The following COMT variants were observed in gnomAD, a reference collection of about 807,000 sequenced individuals.
COMT encodes the protein catechol-O-methyltransferase, also known as catechol O-methyltransferase.
Under a neutral mutation model 18.9 loss-of-function variants are expected in COMT, and 13 were observed. The observed-to-expected ratio is 0.69, with a 90% CI of 0.45 to 1.09. The LOEUF (loss-of-function observed/expected upper bound fraction) is 1.09, where lower values mean the gene tolerates loss of function less well. Ranked by LOEUF, COMT falls within the 50% of genes least tolerant of loss-of-function variation. The pLI, the probability that COMT is intolerant of heterozygous loss-of-function variation, is 0.00. For missense variants in COMT, 329 were observed against 361.8 expected, an observed-to-expected ratio of 0.91 and a Z score of 0.73; for synonymous variants, 150 against 160.9, an observed-to-expected ratio of 0.93 and a Z score of 0.51.
chr22:19,963,348 A>C lies in COMT; in HGVS notation c.290-218A>C, dbSNP rs1415448639. The stretch of plus-strand genomic sequence containing the variant: ...GAGGCTAAGGGACCATGGGAGCTCC[A>C]AGCGCGCTCACAGTGGGGACCAGGT... On this transcript the variant is annotated intron_variant, in intron 3 of 5. Coordinates refer to ENST00000361682, the MANE Select transcript of COMT (RefSeq NM_000754.4). 3.3e-5 allele frequency: 20 copies of C among 610,308 alleles called. No homozygotes were observed. The Admixed American group carries it at 3.4e-4, about 10-fold the overall frequency. 37.8% of individuals were successfully genotyped at this position (610,308 alleles called of 1,614,324 possible). A position where few individuals can be genotyped will look rare whatever the true frequency, so the allele number is the denominator to read the frequency against.
At chr22:19,956,370 C>CTTTTTTTTTT (rs361698) in intron 1 of COMT, among the ~76,000 whole-genome samples, 1 of 47,348 alleles carries the variant, frequency 2.1e-5, no homozygotes, top group African/African-American at 9.4e-5. Context: ...CTTGAGCTCT[C>CTTTTTTTTTT]TTTTTTTTTT....
intron 1 of COMT, among the ~76,000 whole-genome samples, chr22:19,949,859 A>G (rs1158012687): frequency 6.6e-6 from 1 of 152,214 alleles, no homozygotes; most frequent in Non-Finnish European, 1.5e-5. Flanking sequence ...ATACCATCTT[A>G]TAATCTCTAG....
At chr22:19,951,516 G>C (rs144623972) in intron 1 of COMT, 20 of 152,324 alleles carry the variant, frequency 1.3e-4, no homozygotes, top group African/African-American at 4.6e-4. Context: ...GCATGAGCAG[G>C]CAGAGTGGAG....
chr22:19,969,917 T>A lies in COMT; in HGVS notation c.*1181T>A. On this transcript the variant is annotated 3_prime_UTR_variant, in exon 6 of 6. Transcript: ENST00000361682. ...AAAGTTCCTTTGCTGCTTTAATTTT[T>A]AAATTTTCTTACAAAAATTTAGGTG... 6.1e-6 allele frequency: 6 copies of A among 985,540 alleles called. No homozygotes were observed. The highest frequency in any genetic ancestry group is 7.2e-6 in the Non-Finnish European group (6 of 829,932). The allele number at this position is 985,540 out of a possible 1,614,324, so 61.0% of individuals were successfully genotyped here.
At chr22:19,952,900 G>A (rs1353718682) in intron 1 of COMT, among the ~76,000 whole-genome samples, 10 of 151,914 alleles carry the variant, frequency 6.6e-5, no homozygotes, top group Non-Finnish European at 1.5e-4. Context: ...GCAGTGAGCC[G>A]AGATCGCGCC....
At chr22:19,958,722 CAAAAA>C (rs361549) in intron 1 of COMT, among the ~76,000 whole-genome samples, 1 of 87,238 alleles carries the variant, frequency 1.1e-5, no homozygotes. Context: ...CCATCTCTAC[CAAAAA>C]AAAAAAAAAA....
intron 2 of COMT, 140 bp from the exon 3 acceptor site, chr22:19,962,387 A>G (rs1186800899): frequency 9.7e-6 from 14 of 1,443,912 alleles, no homozygotes; most frequent in Admixed American, 2.1e-5. Flanking sequence ...ACGTCAGGCA[A>G]CTGAGGCACA....
rs954144671 is a variant in COMT at position 19,963,920 on chromosome 22, A to AC, written c.483+168dup. ...CTTCCCAGCCTGGGGCTGAGGAAAGACCCCCCCAGCAGCTCAGTGAGGGTC... is the reference window on the plus strand; with the variant it reads ...CTTCCCAGCCTGGGGCTGAGGAAAGACCCCCCCCAGCAGCTCAGTGAGGGTC... On this transcript the variant is annotated intron_variant, in intron 4 of 5. Coordinates refer to ENST00000361682, the MANE Select transcript of COMT (RefSeq NM_000754.4). The AC allele has an allele frequency of 2.3e-4, 270 of 1,176,596 alleles. 3 individuals are homozygous for AC. The East Asian group carries it at 4.3e-3, about 19-fold the overall frequency. The allele number at this position is 1,176,596 out of a possible 1,614,324, so 72.9% of individuals were successfully genotyped here.
rs1312765118 is a variant in COMT, at chr22:19,951,250, T to C, written c.-92+9353T>C. Among the ~76,000 whole-genome samples the C allele has an allele frequency of 3.3e-5, 5 of 150,380 alleles. No individual in the cohort carries two copies. In the East Asian group the frequency reaches 9.9e-4, roughly 30 times the overall value. ...GGTGGGCACCTATAGTCCCAGCTAC[T>C]TGGGAGGCTGAGGCAGGAGAATGGC... On this transcript the variant is annotated intron_variant, in intron 1 of 5. Coordinates refer to ENST00000361682, the MANE Select transcript of COMT (RefSeq NM_000754.4).
chr22:19,946,656 G>A (rs560751478), intron 1 of COMT, among the ~76,000 whole-genome samples: 181 of 152,252 alleles, frequency 1.2e-3, no homozygotes, highest in African/African-American at 4.2e-3. Context: ...ACTTAAAATA[G>A]TGTAGTTAAA....
chr22:19,967,469 G>A (rs1012111730), intron 5 of COMT: 17 of 454,658 alleles, frequency 3.7e-5, no homozygotes, highest in African/African-American at 1.8e-4. Flanking sequence ...CCTTGGGGCT[G>A]TCCCCTGACC....
At position 19,962,827 on chromosome 22, in the gene COMT, G is replaced by A. The variant is rs761093019; in HGVS notation, c.289+12G>A. The A allele has an allele frequency of 2.5e-6, 4 of 1,597,460 alleles. No homozygotes were observed. Among genetic ancestry groups the A allele is most frequent in the Admixed American group, 1.7e-5 (1 of 59,630 alleles). ...GGGCGACAAGAAAGGTGGGGTCCGGGCCAGCAGGTGCTCAGCTCTGGGACA... is the reference window on the plus strand; with the variant it reads ...GGGCGACAAGAAAGGTGGGGTCCGGACCAGCAGGTGCTCAGCTCTGGGACA... On this transcript the variant is annotated intron_variant, in intron 3 of 5. Transcript: ENST00000361682.
chr22:19,944,895 G>A (rs1474422758), intron 1 of COMT, among the ~76,000 whole-genome samples: 1 of 152,138 alleles, frequency 6.6e-6, no homozygotes. Context: ...ACTCCCAAGG[G>A]GGTGTTATAT....
intron 1 of COMT, among the ~76,000 whole-genome samples, chr22:19,949,394 T>C (rs570949197): frequency 2.6e-5 from 4 of 152,106 alleles, no homozygotes; most frequent in Non-Finnish European, 5.9e-5. Flanking sequence ...TGTCCCATAT[T>C]TTTCCTCTTT....
At chr22:19,958,631 A>G (rs1191775327) in intron 1 of COMT, among the ~76,000 whole-genome samples, 1 of 144,934 alleles carries the variant, frequency 6.9e-6, no homozygotes. Flanking sequence ...ATGTAATCCC[A>G]GCACTTTGGA....
intron 5 of COMT, 150 bp downstream of exon 5, chr22:19,964,449 G>A (rs1942288374): frequency 8.5e-7 from 1 of 1,173,470 alleles, no homozygotes; most frequent in Non-Finnish European, 1.2e-6. Context: ...GGGAGTGTGG[G>A]GGACTGAGGA....
chr22:19,952,908 G>A (rs1229048588), intron 1 of COMT, among the ~76,000 whole-genome samples: 3 of 151,764 alleles, frequency 2.0e-5, no homozygotes, highest in Admixed American at 6.6e-5. Flanking sequence ...CCGAGATCGC[G>A]CCACTGCACT....
chr22:19,968,444 C>A, intron 5 of COMT, 92 bp from the exon 6 acceptor site: 1 of 1,255,710 alleles, frequency 8.0e-7, no homozygotes, highest in Non-Finnish European at 1.1e-6. Flanking sequence ...GGCGTGGTGC[C>A]GTGGCCTAGT....
Position 19,941,861 on chromosome 22 carries a change from G to T in COMT, c.-128G>T. 6.9e-7 allele frequency: 1 copy of T among 1,449,178 alleles called. No homozygotes were observed. The highest frequency in any genetic ancestry group is 9.0e-7 in the Non-Finnish European group (1 of 1,109,646). 89.8% of individuals were successfully genotyped at this position (1,449,178 alleles called of 1,614,324 possible). Reference sequence around the variant, plus strand: ...CCGCCGCGCTGCCTGCGCCGGACCGGGGCGGGTCCAGTCCCGGGCGGGCCG... The same window carrying T: ...CCGCCGCGCTGCCTGCGCCGGACCGTGGCGGGTCCAGTCCCGGGCGGGCCG... On this transcript the variant is annotated 5_prime_UTR_variant, in exon 1 of 6. Transcript: ENST00000361682.
Sources: gnomAD v4.1 joint callset for allele counts (sites outside exome capture counted in the v4.1 genomes callset) on GRCh38, gnomAD v4.1.1 for gene constraint, MANE v1.5 for transcripts, NCBI Gene and HGNC (gene_info 2026-07-23, HGNC 2026-07-21) for gene names.